Variants in ST8SIA5 observed in about 807,000 individuals in gnomAD.
ST8SIA5 encodes ST8 alpha-N-acetyl-neuraminide alpha-2,8-sialyltransferase 5, also known as alpha-2,8-sialyltransferase 8E.
Under a neutral mutation model 40.2 loss-of-function variants are expected in ST8SIA5, and 24 were observed. The ratio of observed to expected loss-of-function variants is 0.60; its 90% CI spans 0.43 to 0.84. The LOEUF (loss-of-function observed/expected upper bound fraction) is 0.84, where lower values mean the gene tolerates loss of function less well. ST8SIA5 is among the 40% of genes least tolerant of loss of function. The pLI, the probability that ST8SIA5 is intolerant of heterozygous loss-of-function variation, is 0.00. For synonymous variants in ST8SIA5, 198 were observed against 201.8 expected (o/e 0.98, Z 0.16); for missense variants, 465 against 498.5 (o/e 0.93, Z 0.64).
intron 6 of ST8SIA5, 134 bp from the exon 7 acceptor site, chr18:46,680,644 A>C: frequency 1.1e-6 from 1 of 886,292 alleles, no homozygotes; most frequent in Non-Finnish European, 1.7e-6. Context: ...CTGACACCTC[A>C]CGCACCTGTG....
At chr18:46,743,306 A>G (rs2144562538) in intron 1 of ST8SIA5, among the ~76,000 whole-genome samples, 1 of 152,328 alleles carries the variant, frequency 6.6e-6, no homozygotes. Context: ...AAGGAAGTTA[A>G]AAACCTTGAA....
intron 1 of ST8SIA5, among the ~76,000 whole-genome samples, chr18:46,740,941 G>T (rs1396710566): frequency 6.6e-6 from 1 of 152,050 alleles, no homozygotes; most frequent in Admixed American, 6.5e-5. Flanking sequence ...TTTAATTAAA[G>T]AAATATTTAG....
intron 5 of ST8SIA5, among the ~76,000 whole-genome samples, chr18:46,684,747 C>A (rs1237865428): frequency 6.6e-6 from 1 of 152,182 alleles, no homozygotes; most frequent in East Asian, 1.9e-4. Flanking sequence ...CAGAAGTTCT[C>A]TTTGTGTTTC....
Position 46,726,779 on chromosome 18 carries a change from T to C in ST8SIA5, c.132-22115A>G, listed in dbSNP as rs1008893280. ...TAAAAATACAAAAAAATTAGCCCAG[T>C]GTGGTGGCGCATGCCTGTAATCTCA... On this transcript the variant is annotated intron_variant, in intron 1 of 6. Coordinates refer to ENST00000315087, the MANE Select transcript of ST8SIA5 (RefSeq NM_013305.6). 3.3e-5 allele frequency among the ~76,000 whole-genome samples: 5 copies of C among 151,990 alleles called. No individual in the cohort carries two copies. In the East Asian group the frequency reaches 5.8e-4, roughly 18 times the overall value.
chr18:46,736,258 G>GGGCTAGT (rs2144552747), intron 1 of ST8SIA5, among the ~76,000 whole-genome samples: 2 of 152,276 alleles, frequency 1.3e-5, no homozygotes, highest in Middle Eastern at 3.4e-3. Context: ...TAGTCACATG[G>GGGCTAGT]GGCTAGTGGC....
At chr18:46,697,406 G>T (rs1170033657) in intron 2 of ST8SIA5, among the ~76,000 whole-genome samples, 1 of 152,120 alleles carries the variant, frequency 6.6e-6, no homozygotes, top group East Asian at 1.9e-4. Flanking sequence ...TGTGGGGGAG[G>T]GGTTCACCAG....
chr18:46,687,936 C>T (rs2039463949), intron 4 of ST8SIA5, among the ~76,000 whole-genome samples: 1 of 152,232 alleles, frequency 6.6e-6, no homozygotes, highest in Admixed American at 6.5e-5. Flanking sequence ...GGGTAATTGC[C>T]AGAACTGGCT....
chr18:46,691,974 C>T (rs1461049577), intron 3 of ST8SIA5, 195 bp downstream of exon 3: 1 of 607,434 alleles, frequency 1.6e-6, no homozygotes, highest in Non-Finnish European at 3.0e-6. Flanking sequence ...GAGGATAGCA[C>T]CTGGGCAAGG....
At chr18:46,723,619 A>G (rs1013336008) in intron 1 of ST8SIA5, among the ~76,000 whole-genome samples, 5 of 151,716 alleles carry the variant, frequency 3.3e-5, no homozygotes, top group Admixed American at 6.6e-5. Context: ...ATGCAGGGGG[A>G]AAAAGACAAA....
intron 1 of ST8SIA5, among the ~76,000 whole-genome samples, chr18:46,734,160 G>A (rs1468644130): frequency 6.6e-6 from 1 of 152,000 alleles, no homozygotes; most frequent in Admixed American, 6.6e-5. Flanking sequence ...CGGGCGCAAT[G>A]ACCAGGTTCT....
intron 1 of ST8SIA5, among the ~76,000 whole-genome samples, chr18:46,748,935 A>G (rs578039084): frequency 1.3e-5 from 2 of 152,340 alleles, no homozygotes; most frequent in South Asian, 2.1e-4. Flanking sequence ...AAAACTTAAC[A>G]TAACAGTGAA....
rs552223405 is a variant in ST8SIA5, at chr18:46,673,512, A to G, written c.*6530T>C. On this transcript the variant is annotated 3_prime_UTR_variant, in exon 7 of 7. Transcript: ENST00000315087. ...GCAGTTGTATGCTCAGGGAACAGATAGGGCCTCACACATGCTGATTCCCAG... is the reference window on the plus strand; with the variant it reads ...GCAGTTGTATGCTCAGGGAACAGATGGGGCCTCACACATGCTGATTCCCAG... The G allele has an allele frequency of 1.3e-5, 2 of 152,182 alleles. No individual in the cohort carries two copies. The highest frequency in any genetic ancestry group is 3.9e-4 in the East Asian group (2 of 5,088). The allele number at this position is 152,182 out of a possible 1,614,324, so 9.4% of individuals were successfully genotyped here. A position where few individuals can be genotyped will look rare whatever the true frequency, so the allele number is the denominator to read the frequency against.
At chr18:46,751,029 G>A (rs1244369789) in intron 1 of ST8SIA5, among the ~76,000 whole-genome samples, 2 of 152,254 alleles carry the variant, frequency 1.3e-5, no homozygotes, top group East Asian at 3.9e-4. Flanking sequence ...ACAGTTGAAT[G>A]TCATTAAGTT....
intron 1 of ST8SIA5, among the ~76,000 whole-genome samples, chr18:46,755,798 T>C (rs1296499379): frequency 6.6e-6 from 1 of 152,156 alleles, no homozygotes; most frequent in Non-Finnish European, 1.5e-5. Flanking sequence ...AATCAGGTTG[T>C]TGAGTTTCAC....
Position 46,673,386 on chromosome 18 carries a change from G to A in ST8SIA5, c.*6656C>T, listed in dbSNP as rs2039320618. ...GTACAGAAAAGGCAGAAGTTGGGTT[G>A]TGTGCCAAATTCTTCTTTTCATTCT... On this transcript the variant is annotated 3_prime_UTR_variant, in exon 7 of 7. Transcript: ENST00000315087. The A allele has an allele frequency of 6.6e-6, 1 of 152,148 alleles. No individual in the cohort carries two copies. The highest frequency in any genetic ancestry group is 2.4e-5 in the African/African-American group (1 of 41,446). 9.4% of individuals were successfully genotyped at this position (152,148 alleles called of 1,614,324 possible).
In ST8SIA5 at chr18:46,670,198, A is replaced by G. The variant is rs1012034796; in HGVS notation, c.*9844T>C. 6.6e-6 allele frequency: 1 copy of G among 152,174 alleles called. No individual in the cohort carries two copies. Among genetic ancestry groups the G allele is most frequent in the Admixed American group, 6.5e-5 (1 of 15,280 alleles). 9.4% of individuals were successfully genotyped at this position (152,174 alleles called of 1,614,324 possible). A position where few individuals can be genotyped will look rare whatever the true frequency, so the allele number is the denominator to read the frequency against. On this transcript the variant is annotated 3_prime_UTR_variant, in exon 7 of 7. Coordinates refer to ENST00000315087, the MANE Select transcript of ST8SIA5 (RefSeq NM_013305.6). ...TAAGCACCAAGACTTTTGTGAAAGT[A>G]TTTTAACTGTTTGGGGATGGAAATA...
At chr18:46,681,456 G>A (rs2039395130) in intron 6 of ST8SIA5, among the ~76,000 whole-genome samples, 1 of 152,176 alleles carries the variant, frequency 6.6e-6, no homozygotes, top group Non-Finnish European at 1.5e-5. Flanking sequence ...GCTACGCCCG[G>A]GGCTAGGGTT....
In ST8SIA5 at chr18:46,672,545, A is replaced by G. The variant is rs2039314996; in HGVS notation, c.*7497T>C. On this transcript the variant is annotated 3_prime_UTR_variant, in exon 7 of 7. Coordinates refer to ENST00000315087, the MANE Select transcript of ST8SIA5 (RefSeq NM_013305.6). The stretch of plus-strand genomic sequence containing the variant: ...TCTTCAACTGAAGAGAGAGTCACTG[A>G]TTTCTGGCTTTTGTGGCCAACAGCT... 1 of 151,550 alleles carries G rather than the reference A, an allele frequency of 6.6e-6. No homozygotes were observed. Among genetic ancestry groups the G allele is most frequent in the Non-Finnish European group, 1.5e-5 (1 of 67,974 alleles). The allele number at this position is 151,550 out of a possible 1,614,324, so 9.4% of individuals were successfully genotyped here. A position where few individuals can be genotyped will look rare whatever the true frequency, so the allele number is the denominator to read the frequency against.
rs559969990 is a variant in ST8SIA5 at position 46,676,904 on chromosome 18, A to G, written c.*3138T>C. 6 of 152,266 alleles carry G rather than the reference A, an allele frequency of 3.9e-5. No homozygotes were observed. In the East Asian group the frequency reaches 9.7e-4, roughly 25 times the overall value. The allele number at this position is 152,266 out of a possible 1,614,324, so 9.4% of individuals were successfully genotyped here. ...TATAAACACTGGCTGCAGCAGAAAA[A>G]CTATATCCTGAAAGTCAGGAGACTG... On this transcript the variant is annotated 3_prime_UTR_variant, in exon 7 of 7. Transcript: ENST00000315087.
Sources: allele counts gnomAD v4.1 joint callset (sites outside exome capture counted in the v4.1 genomes callset), GRCh38; gene constraint gnomAD v4.1.1; transcripts MANE v1.5; gene names NCBI Gene and HGNC (gene_info 2026-07-23, HGNC 2026-07-21).